TRPM7: variants seen among roughly 807,000 people sequenced by gnomAD.
TRPM7 encodes the protein LTRPC ion channel family member 7.
TRPM7 carries 134 observed loss-of-function variants against 229.7 expected under a neutral mutation model. The ratio of observed to expected loss-of-function variants is 0.58; its 90% CI spans 0.51 to 0.67. The LOEUF (loss-of-function observed/expected upper bound fraction) is 0.67, where lower values mean the gene tolerates loss of function less well. Ranked by LOEUF, TRPM7 falls within the 30% of genes least tolerant of loss-of-function variation. The pLI, the probability that TRPM7 is intolerant of heterozygous loss-of-function variation, is 0.00. For missense variants in TRPM7, 1,901 were observed against 2,210.0 expected, an observed-to-expected ratio of 0.86 and a Z score of 2.80; for synonymous variants, 699 against 715.2, an observed-to-expected ratio of 0.98 and a Z score of 0.36.
At chr15:50,657,215 TC>T (rs2061599343) in intron 3 of TRPM7, among the ~76,000 whole-genome samples, 1 of 152,072 alleles carries the variant, frequency 6.6e-6, no homozygotes, top group Non-Finnish European at 1.5e-5. Context: ...TCCCAGCTAC[TC>T]GGGAGGCTGA....
intron 7 of TRPM7, among the ~76,000 whole-genome samples, chr15:50,635,966 G>C (rs988637732): frequency 6.6e-6 from 1 of 150,952 alleles, no homozygotes; most frequent in Non-Finnish European, 1.5e-5. Flanking sequence ...GCGACAGTGC[G>C]AGACTCCATC....
intron 38 of TRPM7, among the ~76,000 whole-genome samples, chr15:50,562,746 C>T (rs2053374305): frequency 6.7e-6 from 1 of 150,034 alleles, no homozygotes; most frequent in South Asian, 2.1e-4. Flanking sequence ...GTACTTCAAC[C>T]TGGGCGACAG....
intron 7 of TRPM7, 94 bp downstream of exon 7, chr15:50,637,328 A>T: frequency 8.7e-7 from 1 of 1,155,248 alleles, no homozygotes; most frequent in Non-Finnish European, 1.2e-6. Context: ...TATGTAAGAA[A>T]GAGCACTTCA....
chr15:50,592,143 T>C lies in TRPM7; in HGVS notation c.4092A>G (p.Glu1364=). Residue 1364 remains glutamate (E), a synonymous_variant, in exon 26 of 39, where the codon GAA becomes GAG. Coordinates refer to ENST00000646667, the MANE Select transcript of TRPM7 (RefSeq NM_017672.6). ...ALFPSAVSPP[E]LRQRLHGVEL... is the part of the protein sequence containing the mutation. ...CTACCCCATGTAGTCTCTGTCGCAG[T>C]TCTGGAGGGGAAACAGCACTTGGGA... 2.5e-6 allele frequency: 4 copies of C among 1,613,784 alleles called. No homozygotes were observed. Among genetic ancestry groups the C allele is most frequent in the South Asian group, 2.2e-5 (2 of 91,032 alleles).
chr15:50,659,543 G>A (rs1249632765), intron 2 of TRPM7, among the ~76,000 whole-genome samples: 1 of 152,088 alleles, frequency 6.6e-6, no homozygotes, highest in South Asian at 2.1e-4. Flanking sequence ...TCTCATGAAT[G>A]GTTAAAGGTG....
intron 1 of TRPM7, 26 bp from the exon 2 acceptor site, chr15:50,663,072 G>A (rs762934154): frequency 6.5e-7 from 1 of 1,549,230 alleles, no homozygotes; most frequent in Non-Finnish European, 8.9e-7. Flanking sequence ...TTAAAGAATT[G>A]TTTATAAGTT....
intron 12 of TRPM7, among the ~76,000 whole-genome samples, chr15:50,621,036 G>A (rs186312621): frequency 0.014 from 2,113 of 151,340 alleles, 45 homozygotes; most frequent in African/African-American, 0.049. Flanking sequence ...GCGGGCGCCT[G>A]TAGTCCCAGC....
rs1490734544 is a variant in TRPM7 at position 50,561,663 on chromosome 15, T to G, written c.*15A>C. On this transcript the variant is annotated 3_prime_UTR_variant, in exon 39 of 39. Transcript: ENST00000646667. ...GTGAGGTGCAGGCAAAACCAATGAT[T>G]CAGTAATATTAATATTATAACATCA... 1 of 1,600,852 alleles carries G rather than the reference T, an allele frequency of 6.2e-7. No homozygotes were observed. The highest frequency in any genetic ancestry group is 1.1e-5 in the South Asian group (1 of 87,672).
At chr15:50,645,495 C>T (rs766450758) in intron 4 of TRPM7, among the ~76,000 whole-genome samples, 3 of 152,028 alleles carry the variant, frequency 2.0e-5, no homozygotes, top group Non-Finnish European at 4.4e-5. Flanking sequence ...CCAGGCCCAG[C>T]TACTTTTTGT....
chr15:50,578,647 G>T lies in TRPM7; in HGVS notation c.4610C>A (p.Thr1537Lys). The part of the protein sequence containing the change: ...SNREMPSEEG[T>K]LNGLTSPFKP... ...CTACCACACAGACTCACCATTTAAT[G>T]TTCCTTCTTCAGATGGCCTAAAGAA... Residue 1537 changes from threonine (T) to lysine (K), a missense_variant, in exon 31 of 39, where the codon ACA (threonine) becomes AAA (lysine). Physicochemically the swap from Thr to Lys is moderately conservative, Grantham distance 78. Around this residue, in one of 8 missense-constraint regions of TRPM7, gnomAD observed 533 missense variants for 497.1 expected, o/e 1.07. Transcript: ENST00000646667. 1 of 1,609,358 alleles carries T rather than the reference G, an allele frequency of 6.2e-7. No homozygotes were observed. The highest frequency in any genetic ancestry group is 8.5e-7 in the Non-Finnish European group (1 of 1,177,252).
At chr15:50,636,285 G>C (rs952066708) in intron 7 of TRPM7, among the ~76,000 whole-genome samples, 5 of 151,654 alleles carry the variant, frequency 3.3e-5, no homozygotes, top group Admixed American at 6.6e-5. Flanking sequence ...CCGCCTCCTG[G>C]GCTCAAACAA....
In TRPM7 at chr15:50,624,230, A is replaced by C. The variant is rs55924090; in HGVS notation, c.1376T>G (p.Ile459Ser). The C allele has an allele frequency of 6.8e-6, 11 of 1,613,098 alleles. No homozygotes were observed. The East Asian group carries it at 1.3e-4, about 20-fold the overall frequency. The change falls in exon 12 of 39, where the codon ATT becomes AGT. Residue 459 changes from isoleucine (I) to serine (S), a missense_variant. Physicochemically the swap from Ile to Ser is moderately radical, Grantham distance 142. Around this residue, in one of 8 missense-constraint regions of TRPM7, gnomAD observed 794 missense variants for 881.9 expected, o/e 0.90. Coordinates refer to ENST00000646667, the MANE Select transcript of TRPM7 (RefSeq NM_017672.6). ...TTTATGCATGCTTACTCCATTTTCA[A>C]TAAGAAGTTTTACAAATGCAACTCT... The part of the protein sequence containing the change: ...MDRVAFVKLL[I>S]ENGVSMHKFL...
At chr15:50,663,900 A>G (rs767854200) in intron 1 of TRPM7, among the ~76,000 whole-genome samples, 25 of 151,962 alleles carry the variant, frequency 1.6e-4, no homozygotes, top group Non-Finnish European at 2.8e-4. Flanking sequence ...GAGGCTGAGG[A>G]TGCAGTCAGC....
chr15:50,659,328 T>A (rs1290374505), intron 2 of TRPM7, among the ~76,000 whole-genome samples: 1 of 152,184 alleles, frequency 6.6e-6, no homozygotes, highest in Non-Finnish European at 1.5e-5. Flanking sequence ...TCTAACTTTC[T>A]GGAAGACATT....
chr15:50,580,983 C>T (rs531977439), intron 29 of TRPM7, 75 bp from the exon 30 acceptor site: 7 of 1,451,024 alleles, frequency 4.8e-6, no homozygotes, highest in African/African-American at 1.4e-5. Context: ...AACGGTTTAA[C>T]TTTTTTTCTT....
chr15:50,591,573 T>A (rs980814832), intron 26 of TRPM7, among the ~76,000 whole-genome samples: 1 of 151,646 alleles, frequency 6.6e-6, no homozygotes, highest in Non-Finnish European at 1.5e-5. Flanking sequence ...CACAGCCCAC[T>A]GCAGCTTTCA....
chr15:50,575,047 A>T lies in TRPM7; in HGVS notation c.4824T>A (p.Cys1608Ter), dbSNP rs2054066645. 1 of 1,614,004 alleles carries T rather than the reference A, an allele frequency of 6.2e-7. No individual in the cohort carries two copies. The change falls in exon 34 of 39, where the codon TGT becomes TGA. Residue 1608 changes from cysteine (C) to a stop codon, truncating the protein, a stop_gained. Transcript: ENST00000646667. LOFTEE classifies it high-confidence loss of function. ...CTTTGCTTAAAAACTCTATTTTGGCACAGAGGCCTAGTTGTGACCAAGAAG... is the reference window on the plus strand; with the variant it reads ...CTTTGCTTAAAAACTCTATTTTGGCTCAGAGGCCTAGTTGTGACCAAGAAG... ...SMSSWSQLGLCAKIEFLSKEE... is the reference protein window; with the variant it reads ...SMSSWSQLGL
chr15:50,626,346 G>A (rs1596240753), intron 11 of TRPM7, among the ~76,000 whole-genome samples: 1 of 151,852 alleles, frequency 6.6e-6, no homozygotes, highest in Non-Finnish European at 1.5e-5. Context: ...TTTAAAACAA[G>A]AACATTCTGT....
intron 9 of TRPM7, 42 bp from the exon 10 acceptor site, chr15:50,631,531 T>A: frequency 2.2e-6 from 3 of 1,355,516 alleles, no homozygotes; most frequent in South Asian, 1.2e-5. Context: ...TTTATATTTT[T>A]AAAACAAAGG....
Sources: allele counts gnomAD v4.1 joint callset (sites outside exome capture counted in the v4.1 genomes callset), GRCh38; gene constraint gnomAD v4.1.1; regional missense constraint gnomAD v4.1.1; transcripts MANE v1.5; gene names NCBI Gene and HGNC (gene_info 2026-07-23, HGNC 2026-07-21).